NSMCE1: variants seen among roughly 807,000 people sequenced by gnomAD.
The protein encoded by NSMCE1 is NSE1 component of SMC5/6 complex, also known as non-structural maintenance of chromosomes element 1 homolog.
NSMCE1 carries 18 observed loss-of-function variants against 29.6 expected under a neutral mutation model. The ratio of observed to expected loss-of-function variants is 0.61; its 90% CI spans 0.42 to 0.90. NSMCE1 has a LOEUF of 0.90. Among genes scored for constraint, NSMCE1 ranks in the 40% least tolerant of loss-of-function variants. NSMCE1 has a pLI of 0.00. For missense variants in NSMCE1, 314 were observed against 343.6 expected (o/e 0.91, Z 0.68); for synonymous variants, 124 against 133.4 (o/e 0.93, Z 0.49).
intron 1 of NSMCE1, among the ~76,000 whole-genome samples, chr16:27,261,968 C>T (rs763316601): frequency 2.6e-5 from 4 of 152,218 alleles, no homozygotes; most frequent in Admixed American, 6.5e-5. Context: ...CAGGGCCGAG[C>T]GCGGTGGCTC....
In NSMCE1 at chr16:27,225,085, C is replaced by T. The variant is rs1567269831; in HGVS notation, c.*72G>A. ...ACTCGCGTGGAACCTGAAACACGGA[C>T]GCCTTTCTTCCAAGAAGGGCTGTGG... On this transcript the variant is annotated 3_prime_UTR_variant, in exon 8 of 8. Coordinates refer to ENST00000361439, the MANE Select transcript of NSMCE1 (RefSeq NM_145080.4). The T allele has an allele frequency of 2.1e-5, 17 of 827,022 alleles. No homozygotes were observed. Among genetic ancestry groups the T allele is most frequent in the East Asian group, 1.3e-4 (5 of 38,014 alleles). 51.2% of individuals were successfully genotyped at this position (827,022 alleles called of 1,614,324 possible).
In NSMCE1 at chr16:27,226,491, T is replaced by C. The variant is rs112181843; in HGVS notation, c.600+229A>G. On this transcript the variant is annotated intron_variant, in intron 6 of 7. Coordinates refer to ENST00000361439, the MANE Select transcript of NSMCE1 (RefSeq NM_145080.4). ...GAAAAATAAAGTAAGCGAGGGCCCT[T>C]GGACCCCAACAGCAGAACCAGGGAG... The C allele has an allele frequency of 2.6e-3, 1,327 of 515,640 alleles. 10 individuals carry two copies. Among genetic ancestry groups the C allele is most frequent in the African/African-American group, 0.023 (1,187 of 52,388 alleles). 31.9% of individuals were successfully genotyped at this position (515,640 alleles called of 1,614,324 possible).
At chr16:27,251,176 A>ATG (rs2084026887) in intron 2 of NSMCE1, among the ~76,000 whole-genome samples, 1 of 67,420 alleles carries the variant, frequency 1.5e-5, no homozygotes, top group Non-Finnish European at 2.9e-5. Context: ...ATATATATAT[A>ATG]TATATATATA....
intron 2 of NSMCE1, among the ~76,000 whole-genome samples, chr16:27,255,379 G>A (rs897427296): frequency 2.0e-5 from 3 of 152,240 alleles, no homozygotes; most frequent in Middle Eastern, 3.4e-3. Context: ...CACACTGTCC[G>A]CAGAAGTAAA....
At chr16:27,241,517 C>T (rs1028508827) in intron 2 of NSMCE1, 12 of 182,430 alleles carry the variant, frequency 6.6e-5, no homozygotes, top group South Asian at 6.1e-4. Context: ...GGGCAGGACA[C>T]GGGGCTGGGG....
At chr16:27,261,166 CAAAA>C (rs11420728) in intron 1 of NSMCE1, among the ~76,000 whole-genome samples, 2 of 98,104 alleles carry the variant, frequency 2.0e-5, no homozygotes, top group Non-Finnish European at 2.1e-5. Context: ...GACTCCGTCT[CAAAA>C]AAAAAAAAAA....
At chr16:27,226,872 A>G in intron 5 of NSMCE1, 36 bp from the exon 6 acceptor site, 1 of 1,317,646 alleles carries the variant, frequency 7.6e-7, no homozygotes, top group Non-Finnish European at 1.1e-6. Flanking sequence ...ACCCTCAGCC[A>G]GGCCCTCTCC....
Position 27,257,461 on chromosome 16 carries a change from T to G in NSMCE1, c.110A>C (p.Gln37Pro), listed in dbSNP as rs776460152. ...GTCATGGACCTTGTAGCAGTGCGTCTGCAAGCGCTTCACGTCCCATTCCTC... is the reference window on the plus strand; with the variant it reads ...GTCATGGACCTTGTAGCAGTGCGTCGGCAAGCGCTTCACGTCCCATTCCTC... ...VLEEWDVKRL[Q>P]THCYKVHDRN... The change falls in exon 2 of 8, where the codon CAG becomes CCG. Residue 37 changes from glutamine (Q) to proline (P), a missense_variant. Coordinates refer to ENST00000361439, the MANE Select transcript of NSMCE1 (RefSeq NM_145080.4). The G allele has an allele frequency of 2.5e-6, 4 of 1,613,572 alleles. No individual in the cohort carries two copies. The highest frequency in any genetic ancestry group is 3.4e-6 in the Non-Finnish European group (4 of 1,179,752).
chr16:27,248,181 C>T (rs1190300587), intron 2 of NSMCE1, among the ~76,000 whole-genome samples: 1 of 152,122 alleles, frequency 6.6e-6, no homozygotes, highest in Non-Finnish European at 1.5e-5. Context: ...TTTGTGCGGG[C>T]ATATAGCTTC....
At chr16:27,262,236 T>G (rs1447597804) in intron 1 of NSMCE1, among the ~76,000 whole-genome samples, 3 of 110,284 alleles carry the variant, frequency 2.7e-5, no homozygotes, top group Admixed American at 8.8e-5. Flanking sequence ...AGAGTGAGAC[T>G]TCATCTCAAA....
chr16:27,236,785 C>T (rs183655500), intron 2 of NSMCE1, among the ~76,000 whole-genome samples: 1 of 152,270 alleles, frequency 6.6e-6, no homozygotes, highest in African/African-American at 2.4e-5. Flanking sequence ...AACAGTCCCA[C>T]AGGAAAAGGC....
At chr16:27,249,375 C>T (rs755509968) in intron 2 of NSMCE1, among the ~76,000 whole-genome samples, 1 of 152,114 alleles carries the variant, frequency 6.6e-6, no homozygotes, top group African/African-American at 2.4e-5. Flanking sequence ...GAGGTTTTCT[C>T]CTATGTTTTC....
In NSMCE1 at chr16:27,225,104, G is replaced by A. The variant is rs536919887; in HGVS notation, c.*53C>T. Reference sequence around the variant, plus strand: ...CACGGACGCCTTTCTTCCAAGAAGGGCTGTGGCGATCAGGCCACTCAAGGC... The same window carrying A: ...CACGGACGCCTTTCTTCCAAGAAGGACTGTGGCGATCAGGCCACTCAAGGC... On this transcript the variant is annotated 3_prime_UTR_variant, in exon 8 of 8. Transcript: ENST00000361439. The A allele has an allele frequency of 4.0e-6, 4 of 1,001,176 alleles. No homozygotes were observed. The Admixed American group carries it at 7.8e-5, about 20-fold the overall frequency. The allele number at this position is 1,001,176 out of a possible 1,614,324, so 62.0% of individuals were successfully genotyped here.
rs745339674 is a variant in NSMCE1 at position 27,235,316 on chromosome 16, CA to C, written c.137-18del. ...TGGCATTGCCTGGAAATAAACAGAC[CA>C]AAAAAAGGGGGGTGACCAGGGGGCC... On this transcript the variant is annotated intron_variant, in intron 2 of 7. Transcript: ENST00000361439. The C allele has an allele frequency of 3.7e-6, 6 of 1,603,454 alleles. No homozygotes were observed. The highest frequency in any genetic ancestry group is 1.7e-4 in the Middle Eastern group (1 of 6,042).
At chr16:27,265,437 G>C (rs1410667786) in intron 1 of NSMCE1, among the ~76,000 whole-genome samples, 7 of 151,778 alleles carry the variant, frequency 4.6e-5, no homozygotes, top group Non-Finnish European at 1.0e-4. Flanking sequence ...CAAAGTGCTG[G>C]GATTACAGGT....
chr16:27,232,358 G>A lies in NSMCE1; in HGVS notation c.483+643C>T, dbSNP rs568202256. Among the ~76,000 whole-genome samples the A allele has an allele frequency of 6.6e-6, 1 of 152,348 alleles. No homozygotes were observed. The highest frequency in any genetic ancestry group is 1.9e-4 in the East Asian group (1 of 5,188). On this transcript the variant is annotated intron_variant, in intron 5 of 7. Coordinates refer to ENST00000361439, the MANE Select transcript of NSMCE1 (RefSeq NM_145080.4). This position sits in a 1 kb window ranked among gnomAD's most constrained non-coding sequence, Gnocchi z 4.5. ...ATTCAGCAGGACTAGACGTGGGGGT[G>A]GGGGCAACATCTAGAAACTGGAGCT...
Position 27,257,522 on chromosome 16 carries a change from G to GCCGGT in NSMCE1, c.44_48dup (p.Arg17ThrfsTer8), listed in dbSNP as rs766661828. 4.3e-6 allele frequency: 7 copies of GCCGGT among 1,613,932 alleles called. No individual in the cohort carries two copies. The highest frequency in any genetic ancestry group is 5.9e-6 in the Non-Finnish European group (7 of 1,179,926). ...TGGGTCATCAGCAACTGGAGGAAGC[G>GCCGGT]CCGGTGGACATCAGTCATGACGCCC... On this transcript the variant is annotated frameshift_variant, in exon 2 of 8. Transcript: ENST00000361439. LOFTEE classifies it high-confidence loss of function.
chr16:27,234,145 AT>A (rs1422140690), intron 4 of NSMCE1, 42 bp downstream of exon 4: 6 of 1,336,850 alleles, frequency 4.5e-6, no homozygotes, highest in African/African-American at 1.4e-5. Flanking sequence ...GAACTTTCCC[AT>A]AAGAAGCCCA....
chr16:27,257,561 T>C lies in NSMCE1; in HGVS notation c.10A>G (p.Ser4Gly). The C allele has an allele frequency of 2.5e-6, 4 of 1,611,760 alleles. No homozygotes were observed. The South Asian group carries it at 3.3e-5, about 13-fold the overall frequency. Residue 4 changes from serine (S) to glycine (G), a missense_variant, in exon 2 of 8, where the codon AGC (serine) becomes GGC (glycine). Coordinates refer to ENST00000361439, the MANE Select transcript of NSMCE1 (RefSeq NM_145080.4). MQG[S>G]TRRMGVMTDV... ...GTCATGACGCCCATTCTCCTTGTGC[T>C]GCCCTGCATGTGGGAACGAACTGAA...
Sources: gnomAD v4.1 joint callset for allele counts (sites outside exome capture counted in the v4.1 genomes callset) on GRCh38, gnomAD v4.1.1 for gene constraint, Gnocchi (gnomAD v3.1) non-coding constraint, MANE v1.5 for transcripts, NCBI Gene and HGNC (gene_info 2026-07-23, HGNC 2026-07-21) for gene names.